Variants in GALNT17 observed in about 807,000 individuals in gnomAD.
GALNT17 encodes polypeptide N-acetylgalactosaminyltransferase 17.
In GALNT17, 29 loss-of-function variants were observed where a neutral mutation model predicts 63.7. The observed-to-expected ratio is 0.46, with a 90% CI of 0.34 to 0.62. The LOEUF (loss-of-function observed/expected upper bound fraction) is 0.62, where lower values mean the gene tolerates loss of function less well. Ranked by LOEUF, GALNT17 falls within the 20% of genes least tolerant of loss-of-function variation. GALNT17 has a pLI of 0.01. For synonymous variants in GALNT17, 305 were observed against 318.3 expected (o/e 0.96, Z 0.45); for missense variants, 603 against 799.6 (o/e 0.75, Z 2.97).
chr7:71,447,481 T>C (rs1787181321), intron 5 of GALNT17, among the ~76,000 whole-genome samples: 1 of 152,122 alleles, frequency 6.6e-6, no homozygotes, highest in South Asian at 2.1e-4. Context: ...TTGGTAAGTA[T>C]AATGCAAATA....
intron 1 of GALNT17, among the ~76,000 whole-genome samples, chr7:71,195,722 AT>A: frequency 6.6e-6 from 1 of 151,540 alleles, no homozygotes; most frequent in South Asian, 2.1e-4. Context: ...TAATTTTTAA[AT>A]TTTTTTGTAG....
intron 9 of GALNT17, among the ~76,000 whole-genome samples, chr7:71,698,785 G>GA (rs1445817015): frequency 2.0e-5 from 3 of 152,122 alleles, no homozygotes; most frequent in Non-Finnish European, 4.4e-5. Context: ...CAATGAATAT[G>GA]AATGGATTTA....
chr7:71,446,958 G>A (rs1210423092), intron 5 of GALNT17, among the ~76,000 whole-genome samples: 3 of 152,234 alleles, frequency 2.0e-5, no homozygotes, highest in Middle Eastern at 3.4e-3. Context: ...TTTGACTATG[G>A]GAGACAAGGT....
chr7:71,147,635 T>G (rs1788047616), intron 1 of GALNT17, among the ~76,000 whole-genome samples: 1 of 151,868 alleles, frequency 6.6e-6, no homozygotes, highest in Non-Finnish European at 1.5e-5. Flanking sequence ...GACCATTTCT[T>G]TTTTCTTTTT....
At chr7:71,232,180 G>A (rs1479550922) in intron 1 of GALNT17, among the ~76,000 whole-genome samples, 1 of 152,138 alleles carries the variant, frequency 6.6e-6, no homozygotes, top group Non-Finnish European at 1.5e-5. Context: ...AAAGTGTGTG[G>A]ATGCGCAGTC....
At chr7:71,303,470 C>T (rs968689749) in intron 1 of GALNT17, among the ~76,000 whole-genome samples, 1 of 151,972 alleles carries the variant, frequency 6.6e-6, no homozygotes, top group South Asian at 2.1e-4. Flanking sequence ...TGAATGATCC[C>T]TAAGTTTGAA....
intron 5 of GALNT17, among the ~76,000 whole-genome samples, chr7:71,559,336 A>G (rs960517686): frequency 2.6e-5 from 4 of 152,166 alleles, no homozygotes; most frequent in Admixed American, 2.0e-4. Flanking sequence ...AAGTGGGATC[A>G]CTTATTTCAC....
intron 5 of GALNT17, among the ~76,000 whole-genome samples, chr7:71,525,345 G>T (rs2116764122): frequency 6.6e-6 from 1 of 152,058 alleles, no homozygotes; most frequent in East Asian, 1.9e-4. Context: ...ACCATGCCCG[G>T]CTAATTTTTT....
intron 1 of GALNT17, among the ~76,000 whole-genome samples, chr7:71,204,808 C>T (rs956023468): frequency 8.6e-5 from 13 of 151,928 alleles, no homozygotes; most frequent in East Asian, 1.9e-4. Flanking sequence ...TACAGTGGCA[C>T]GATCTTGGCT....
chr7:71,421,467 C>T (rs575569922), intron 5 of GALNT17, among the ~76,000 whole-genome samples: 1 of 152,216 alleles, frequency 6.6e-6, no homozygotes, highest in East Asian at 1.9e-4. Flanking sequence ...AAGCCTTGTA[C>T]TGTTGTCATG....
intron 1 of GALNT17, among the ~76,000 whole-genome samples, chr7:71,142,533 C>T (rs947986891): frequency 1.3e-5 from 2 of 152,170 alleles, no homozygotes; most frequent in Admixed American, 1.3e-4. Context: ...TGCCGCGAGG[C>T]GTAGACTAGA....
chr7:71,508,301 AC>A (rs1157186251), intron 5 of GALNT17, among the ~76,000 whole-genome samples: 1 of 152,236 alleles, frequency 6.6e-6, no homozygotes, highest in African/African-American at 2.4e-5. Flanking sequence ...TGTTGCAATT[AC>A]GTGAAACCAG....
At chr7:71,197,960 G>A (rs1264806478) in intron 1 of GALNT17, among the ~76,000 whole-genome samples, 1 of 152,058 alleles carries the variant, frequency 6.6e-6, no homozygotes, top group African/African-American at 2.4e-5. Flanking sequence ...CACTTTGGGA[G>A]GCCGAGGTGG....
intron 9 of GALNT17, among the ~76,000 whole-genome samples, chr7:71,686,371 A>G (rs56804855): frequency 0.013 from 1,917 of 151,260 alleles, 45 homozygotes; most frequent in African/African-American, 0.044. Flanking sequence ...CTGCCCACAT[A>G]TACTTTTTAA....
chr7:71,530,734 A>AT (rs1788706343), intron 5 of GALNT17, among the ~76,000 whole-genome samples: 1 of 151,948 alleles, frequency 6.6e-6, no homozygotes, highest in South Asian at 2.1e-4. Context: ...GGCCTGGCTA[A>AT]TTTTTTCTAT....
intron 2 of GALNT17, among the ~76,000 whole-genome samples, chr7:71,381,365 C>T (rs1234164591): frequency 6.6e-6 from 1 of 152,160 alleles, no homozygotes; most frequent in South Asian, 2.1e-4. Flanking sequence ...GTATTGATTT[C>T]TCTGTGGAGT....
rs191628416 is a variant in GALNT17 at position 71,376,149 on chromosome 7, G to A, written c.423-12086G>A. Among the ~76,000 whole-genome samples, 334 of 152,192 alleles carry A rather than the reference G, an allele frequency of 2.2e-3. 1 individual carries two copies. The highest frequency in any genetic ancestry group is 6.8e-3 in the Middle Eastern group (2 of 294). ...AATTTTGGATCTGCTGCTGCTTGGC[G>A]TAAAGCTATTTATTATTTCTAATTT... On this transcript the variant is annotated intron_variant, in intron 2 of 10. Coordinates refer to ENST00000333538, the MANE Select transcript of GALNT17 (RefSeq NM_022479.3).
chr7:71,486,631 G>A (rs571843886), intron 5 of GALNT17, among the ~76,000 whole-genome samples: 6 of 151,420 alleles, frequency 4.0e-5, no homozygotes, highest in African/African-American at 1.2e-4. Flanking sequence ...AAAGGCAGGC[G>A]GATTGCTTGA....
chr7:71,232,475 G>T (rs1789809239), intron 1 of GALNT17, among the ~76,000 whole-genome samples: 1 of 152,114 alleles, frequency 6.6e-6, no homozygotes. Context: ...TAGGGCATAG[G>T]AAAGCAGGAG....
Sources: allele counts gnomAD v4.1 joint callset (sites outside exome capture counted in the v4.1 genomes callset), GRCh38; gene constraint gnomAD v4.1.1; transcripts MANE v1.5; gene names NCBI Gene and HGNC (gene_info 2026-07-23, HGNC 2026-07-21).